C2orf69: variants seen among roughly 807,000 people sequenced by gnomAD.
The protein encoded by C2orf69 is chromosome 2 open reading frame 69.
Under a neutral mutation model 29.5 loss-of-function variants are expected in C2orf69, and 19 were observed. The ratio of observed to expected loss-of-function variants is 0.65; its 90% CI spans 0.45 to 0.95. C2orf69 has a LOEUF of 0.95. Among genes scored for constraint, C2orf69 ranks in the 40% least tolerant of loss-of-function variants. The pLI, the probability that C2orf69 is intolerant of heterozygous loss-of-function variation, is 0.00. For missense variants in C2orf69, 416 were observed against 482.1 expected, an observed-to-expected ratio of 0.86 and a Z score of 1.28; for synonymous variants, 194 against 180.0, an observed-to-expected ratio of 1.08 and a Z score of -0.62.
intron 1 of C2orf69, among the ~76,000 whole-genome samples, chr2:199,917,561 A>C (rs1163871341): frequency 1.3e-5 from 2 of 152,136 alleles, no homozygotes; most frequent in African/African-American, 4.8e-5. Context: ...AAACCATAAC[A>C]AGAGTGACCT....
Position 199,925,449 on chromosome 2 carries a change from T to C in C2orf69, c.721T>C (p.Ser241Pro). ...QGEKVRTCEK[S>P]DESAMSFYPP... ...AGAAAAAGTGAGGACCTGTGAAAAA[T>C]CTGATGAGTCTGCCATGAGTTTTTA... Residue 241 changes from serine to proline, a missense_variant, in exon 2 of 2, where the codon TCT becomes CCT. This residue lies in a region of C2orf69 where 225 missense variants were observed against 307.3 expected (regional missense o/e 0.73). Coordinates refer to ENST00000319974, the MANE Select transcript of C2orf69 (RefSeq NM_153689.6). The surrounding 1 kb of genome is among the most constrained non-coding windows in gnomAD (Gnocchi z 4.9). 1 of 1,613,766 alleles carries C rather than the reference T, an allele frequency of 6.2e-7. No individual in the cohort carries two copies.
chr2:199,913,212 ATT>A (rs1192609335), intron 1 of C2orf69, among the ~76,000 whole-genome samples: 1 of 86,836 alleles, frequency 1.2e-5, no homozygotes, highest in Non-Finnish European at 2.1e-5. Context: ...TATATAATAT[ATT>A]ATATATAATA....
chr2:199,911,792 G>GTA lies in C2orf69; in HGVS notation c.333+23_333+24dup, dbSNP rs1434141565. 2.0e-6 allele frequency: 3 copies of GTA among 1,536,896 alleles called. No individual in the cohort carries two copies. In the Admixed American group the frequency reaches 5.9e-5, roughly 30 times the overall value. On this transcript the variant is annotated intron_variant, in intron 1 of 1. Transcript: ENST00000319974. ...TGCAGGTAACTCGGGGCCTGCCTGG[G>GTA]TATCTGTTCCTTCCTCTCGTGTATA...
chr2:199,924,249 A>G (rs963718751), intron 1 of C2orf69, among the ~76,000 whole-genome samples: 1 of 152,172 alleles, frequency 6.6e-6, no homozygotes, highest in Non-Finnish European at 1.5e-5. Flanking sequence ...TCTACAAAGA[A>G]TAAAAACGTT....
chr2:199,916,407 T>G (rs1316971376), intron 1 of C2orf69, among the ~76,000 whole-genome samples: 1 of 152,082 alleles, frequency 6.6e-6, no homozygotes, highest in Non-Finnish European at 1.5e-5. Context: ...CTCCCAAATT[T>G]CATGTCCTTA....
chr2:199,926,155 A>C lies in C2orf69; in HGVS notation c.*269A>C. ...AATGCTGAGGAGATATAAGACCCTT[A>C]AAATGAAAGTTACAACATTGTTCTT... On this transcript the variant is annotated 3_prime_UTR_variant, in exon 2 of 2. Transcript: ENST00000319974. 1 of 322,862 alleles carries C rather than the reference A, an allele frequency of 3.1e-6. No homozygotes were observed. The highest frequency in any genetic ancestry group is 5.7e-6 in the Non-Finnish European group (1 of 174,592). The allele number at this position is 322,862 out of a possible 1,614,324, so 20.0% of individuals were successfully genotyped here.
At chr2:199,913,557 A>G (rs1287273451) in intron 1 of C2orf69, among the ~76,000 whole-genome samples, 1 of 130,128 alleles carries the variant, frequency 7.7e-6, no homozygotes, top group African/African-American at 2.9e-5. Context: ...AAATATATAT[A>G]TATTTTTATA....
rs1314448261 is a variant in C2orf69, at chr2:199,925,920, A to T, written c.*34A>T. On this transcript the variant is annotated 3_prime_UTR_variant, in exon 2 of 2. Coordinates refer to ENST00000319974, the MANE Select transcript of C2orf69 (RefSeq NM_153689.6). The surrounding 1 kb of genome is among the most constrained non-coding windows in gnomAD (Gnocchi z 4.9). Reference sequence around the variant, plus strand: ...GTATATTAATGAACTTGTTCAGTGGAAGAACATAAGCACTTTTGAGTGTTA... The same window carrying T: ...GTATATTAATGAACTTGTTCAGTGGTAGAACATAAGCACTTTTGAGTGTTA... The T allele has an allele frequency of 7.3e-7, 1 of 1,372,236 alleles. No individual in the cohort carries two copies. Among genetic ancestry groups the T allele is most frequent in the Admixed American group, 1.9e-5 (1 of 51,786 alleles). The allele number at this position is 1,372,236 out of a possible 1,614,324, so 85.0% of individuals were successfully genotyped here.
chr2:199,913,393 C>T (rs1240557892), intron 1 of C2orf69, among the ~76,000 whole-genome samples: 23 of 73,458 alleles, frequency 3.1e-4, no homozygotes, highest in South Asian at 1.2e-3. Context: ...TATATAATAA[C>T]ATATATTATA....
rs2077332560 is a variant in C2orf69 at position 199,925,590 on chromosome 2, G to A, written c.862G>A (p.Ala288Thr). 2 of 1,613,900 alleles carry A rather than the reference G, an allele frequency of 1.2e-6. No individual in the cohort carries two copies. The highest frequency in any genetic ancestry group is 1.7e-6 in the Non-Finnish European group (2 of 1,179,842). Residue 288 changes from alanine to threonine, a missense_variant, in exon 2 of 2, where the codon GCT becomes ACT. Physicochemically the swap from Ala to Thr is moderately conservative, Grantham distance 58. Coordinates refer to ENST00000319974, the MANE Select transcript of C2orf69 (RefSeq NM_153689.6). This position sits in a 1 kb window ranked among gnomAD's most constrained non-coding sequence, Gnocchi z 4.9. ...AGCCAAGAAAGACAAGAACATAGATGCTTTTATCAAAAGCATAAGAACAAT... is the reference window on the plus strand; with the variant it reads ...AGCCAAGAAAGACAAGAACATAGATACTTTTATCAAAAGCATAAGAACAAT... ...KEAKKDKNID[A>T]FIKSIRTMYW...
At position 199,911,315 on chromosome 2, in the gene C2orf69, C is replaced by T. The variant is rs991812241; in HGVS notation, c.-124C>T. On this transcript the variant is annotated 5_prime_UTR_variant, in exon 1 of 2. Transcript: ENST00000319974. ...GGCCTCTGACGTCGTCGCCTCAGCG[C>T]CGGCTCCCGGCCGGGCCGCGGCCGC... 1.8e-5 allele frequency: 22 copies of T among 1,218,992 alleles called. No homozygotes were observed. In the East Asian group the frequency reaches 5.9e-4, roughly 32 times the overall value. The allele number at this position is 1,218,992 out of a possible 1,614,324, so 75.5% of individuals were successfully genotyped here.
intron 1 of C2orf69, among the ~76,000 whole-genome samples, chr2:199,915,699 T>G (rs976805043): frequency 6.6e-6 from 1 of 151,952 alleles, no homozygotes; most frequent in Non-Finnish European, 1.5e-5. Flanking sequence ...GTATTTTTAG[T>G]AGAGATGGGG....
chr2:199,920,268 A>G (rs542408448), intron 1 of C2orf69, among the ~76,000 whole-genome samples: 2 of 152,304 alleles, frequency 1.3e-5, no homozygotes, highest in South Asian at 4.1e-4. Context: ...TCTTTTTAGA[A>G]TATGAAAGTG....
intron 1 of C2orf69, among the ~76,000 whole-genome samples, chr2:199,916,310 C>T (rs951367160): frequency 2.6e-5 from 4 of 152,316 alleles, no homozygotes; most frequent in Admixed American, 6.5e-5. Context: ...GGGTCCCTCT[C>T]ACAACACATG....
rs2077332759 is a variant in C2orf69 at position 199,925,651 on chromosome 2, A to G, written c.923A>G (p.Asn308Ser). The G allele has an allele frequency of 5.6e-6, 9 of 1,613,826 alleles. No homozygotes were observed. Among genetic ancestry groups the G allele is most frequent in the Non-Finnish European group, 6.8e-6 (8 of 1,179,830 alleles). ...WLDGGHSGGS[N>S]TWVTYPEVLK... ...GATGGTGGTCATTCTGGAGGAAGCA[A>G]TACTTGGGTTACTTATCCAGAAGTC... The change falls in exon 2 of 2, where the codon AAT (asparagine) becomes AGT (serine). Residue 308 changes from asparagine to serine, a missense_variant. Physicochemically the swap from Asn to Ser is conservative, Grantham distance 46. Transcript: ENST00000319974. This position sits in a 1 kb window ranked among gnomAD's most constrained non-coding sequence, Gnocchi z 4.9.
chr2:199,917,006 TCATA>T (rs1202413446), intron 1 of C2orf69, among the ~76,000 whole-genome samples: 2 of 152,234 alleles, frequency 1.3e-5, no homozygotes. Context: ...CCAGGTGTTT[TCATA>T]CATCCTCTGA....
chr2:199,919,889 A>G (rs2077307178), intron 1 of C2orf69, among the ~76,000 whole-genome samples: 1 of 151,988 alleles, frequency 6.6e-6, no homozygotes, highest in South Asian at 2.1e-4. Context: ...TTGTCTACCA[A>G]CTCTTAGAGA....
At chr2:199,920,142 ATC>A (rs1300198774) in intron 1 of C2orf69, among the ~76,000 whole-genome samples, 2 of 152,166 alleles carry the variant, frequency 1.3e-5, no homozygotes, top group African/African-American at 4.8e-5. Flanking sequence ...CTTGAAAGAA[ATC>A]TCTCTCTTTC....
chr2:199,919,000 G>C (rs1481288285), intron 1 of C2orf69, among the ~76,000 whole-genome samples: 1 of 152,120 alleles, frequency 6.6e-6, no homozygotes, highest in Non-Finnish European at 1.5e-5. Flanking sequence ...CAACTAGGCT[G>C]AAATGCAGTG....
Sources: gnomAD v4.1 joint callset for allele counts (sites outside exome capture counted in the v4.1 genomes callset) on GRCh38, gnomAD v4.1.1 for gene constraint, gnomAD v4.1.1 regional missense constraint, Gnocchi (gnomAD v3.1) non-coding constraint, MANE v1.5 for transcripts, NCBI Gene and HGNC (gene_info 2026-07-23, HGNC 2026-07-21) for gene names.